Variants in TBC1D19 observed in about 807,000 individuals in gnomAD.
TBC1D19 encodes TBC1 domain family, member 19.
TBC1D19 carries 60 observed loss-of-function variants against 89.0 expected under a neutral mutation model. The observed-to-expected ratio is 0.67, with a 90% CI of 0.55 to 0.84. TBC1D19 has a LOEUF of 0.84. TBC1D19 is among the 40% of genes least tolerant of loss of function. The pLI, the probability that TBC1D19 is intolerant of heterozygous loss-of-function variation, is 0.00. For missense variants in TBC1D19, 500 were observed against 610.8 expected (o/e 0.82, Z 1.91); for synonymous variants, 189 against 199.7 (o/e 0.95, Z 0.45).
chr4:26,739,264 A>G (rs1718213423), intron 16 of TBC1D19, among the ~76,000 whole-genome samples: 1 of 152,232 alleles, frequency 6.6e-6, no homozygotes, highest in Non-Finnish European at 1.5e-5. Flanking sequence ...TACATTCATT[A>G]GAGAAATAAA....
the TBC1D19 span, among the ~76,000 whole-genome samples, chr4:26,761,732 G>A: frequency 6.6e-6 from 1 of 151,944 alleles, no homozygotes; most frequent in Non-Finnish European, 1.5e-5. Context: ...CAGAAGTGTT[G>A]CAGCTCACCT....
At chr4:26,587,622 T>C (rs1200548037) in intron 1 of TBC1D19, among the ~76,000 whole-genome samples, 1 of 151,094 alleles carries the variant, frequency 6.6e-6, no homozygotes, top group Non-Finnish European at 1.5e-5. Context: ...TTTTTTTTCT[T>C]GTAACACTTT....
intron 15 of TBC1D19, among the ~76,000 whole-genome samples, chr4:26,730,336 CAGTA>C (rs1392714819): frequency 6.6e-6 from 1 of 152,076 alleles, no homozygotes; most frequent in Non-Finnish European, 1.5e-5. Context: ...TATTAAAAGA[CAGTA>C]AGATAGGGAA....
the TBC1D19 span, among the ~76,000 whole-genome samples, chr4:26,778,430 A>G: frequency 7.0e-6 from 1 of 142,482 alleles, no homozygotes; most frequent in African/African-American, 2.5e-5. Flanking sequence ...AAAAGAAAGA[A>G]AGGAAAGAGA....
intron 1 of TBC1D19, among the ~76,000 whole-genome samples, chr4:26,597,111 A>G (rs1455447525): frequency 6.6e-6 from 1 of 152,226 alleles, no homozygotes; most frequent in Non-Finnish European, 1.5e-5. Context: ...CAGCTCTTCT[A>G]TAATCTTATT....
chr4:26,628,381 T>G (rs1183204319), intron 4 of TBC1D19, among the ~76,000 whole-genome samples: 10 of 151,784 alleles, frequency 6.6e-5, no homozygotes, highest in African/African-American at 2.4e-4. Flanking sequence ...CTCTTTTTTG[T>G]TTCCATGTGA....
chr4:26,656,773 G>T (rs1744849782), intron 7 of TBC1D19, among the ~76,000 whole-genome samples: 1 of 152,048 alleles, frequency 6.6e-6, no homozygotes, highest in African/African-American at 2.4e-5. Flanking sequence ...TGCCCAGGCT[G>T]GTTGTGAACT....
intron 15 of TBC1D19, among the ~76,000 whole-genome samples, chr4:26,723,052 G>T (rs1235151414): frequency 9.2e-5 from 14 of 152,166 alleles, no homozygotes; most frequent in Admixed American, 8.5e-4. Context: ...GGATGTATGT[G>T]ATAGGTTCTA....
chr4:26,750,907 A>G (rs146192698), intron 19 of TBC1D19, among the ~76,000 whole-genome samples: 118 of 152,366 alleles, frequency 7.7e-4, no homozygotes, highest in Non-Finnish European at 1.4e-3. Flanking sequence ...TGTAGTCTTG[A>G]GAAATATTTT....
At chr4:26,814,558 C>T in the TBC1D19 span, among the ~76,000 whole-genome samples, 1 of 152,242 alleles carries the variant, frequency 6.6e-6, no homozygotes, top group African/African-American at 2.4e-5. Context: ...TAATTTCTAT[C>T]TGCCTTCTGT....
At chr4:26,699,247 C>G (rs28764777) in intron 13 of TBC1D19, among the ~76,000 whole-genome samples, 2 of 152,266 alleles carry the variant, frequency 1.3e-5, no homozygotes, top group East Asian at 1.9e-4. Flanking sequence ...ATGCAGCCAA[C>G]AGGCACATGA....
chr4:26,642,703 A>C (rs994287322), intron 7 of TBC1D19, among the ~76,000 whole-genome samples: 14 of 152,284 alleles, frequency 9.2e-5, no homozygotes, highest in South Asian at 2.1e-4. Flanking sequence ...TGCAGAGACA[A>C]ACATAGGCTC....
the TBC1D19 span, among the ~76,000 whole-genome samples, chr4:26,779,612 T>G: frequency 6.6e-6 from 1 of 152,182 alleles, no homozygotes; most frequent in Admixed American, 6.5e-5. Context: ...TTACTTGGGT[T>G]TTGGACTAAG....
chr4:26,619,888 A>G (rs1477862652), intron 3 of TBC1D19, among the ~76,000 whole-genome samples: 1 of 152,166 alleles, frequency 6.6e-6, no homozygotes, highest in Admixed American at 6.6e-5. Context: ...TTGGACCAGG[A>G]ATTTATTGAG....
intron 5 of TBC1D19, among the ~76,000 whole-genome samples, chr4:26,637,992 G>A (rs528138050): frequency 2.9e-4 from 44 of 152,204 alleles, no homozygotes; most frequent in Non-Finnish European, 5.7e-4. Context: ...TAGGTAATAC[G>A]GTACCATCTT....
At chr4:26,692,212 G>A (rs1356219111) in intron 13 of TBC1D19, among the ~76,000 whole-genome samples, 2 of 152,102 alleles carry the variant, frequency 1.3e-5, no homozygotes, top group Non-Finnish European at 2.9e-5. Context: ...CTCCACAGGA[G>A]GGGCAGATGG....
chr4:26,767,478 A>G, the TBC1D19 span, among the ~76,000 whole-genome samples: 14 of 152,154 alleles, frequency 9.2e-5, no homozygotes, highest in Admixed American at 4.6e-4. Context: ...ATGGTATAGA[A>G]AGCAGGGCCT....
intron 13 of TBC1D19, among the ~76,000 whole-genome samples, chr4:26,709,787 T>A (rs1219847036): frequency 1.3e-5 from 2 of 152,046 alleles, no homozygotes; most frequent in African/African-American, 4.8e-5. Context: ...GCAATTTTTG[T>A]CTAGGTGGGG....
Position 26,679,375 on chromosome 4 carries a change from G to A in TBC1D19, c.817-4300G>A, listed in dbSNP as rs139422957. 5.9e-5 allele frequency among the ~76,000 whole-genome samples: 9 copies of A among 152,318 alleles called. No individual in the cohort carries two copies. In the East Asian group the frequency reaches 1.5e-3, roughly 26 times the overall value. Reference sequence around the variant, plus strand: ...CAGAGGGTGCAAGCTCCAAGACTTGGCAGCTTCCATGTGGTGGTGGTCTAG... The same window carrying A: ...CAGAGGGTGCAAGCTCCAAGACTTGACAGCTTCCATGTGGTGGTGGTCTAG... On this transcript the variant is annotated intron_variant, in intron 11 of 20. Transcript: ENST00000264866.
Sources: gnomAD v4.1 joint callset for allele counts (sites outside exome capture counted in the v4.1 genomes callset) on GRCh38, gnomAD v4.1.1 for gene constraint, MANE v1.5 for transcripts, NCBI Gene and HGNC (gene_info 2026-07-23, HGNC 2026-07-21) for gene names.